Variants in DIAPH1 observed in about 807,000 individuals in gnomAD.
The protein encoded by DIAPH1 is protein diaphanous homolog 1.
Under a neutral mutation model 140.7 loss-of-function variants are expected in DIAPH1, and 46 were observed. The observed-to-expected ratio is 0.33, with a 90% CI of 0.26 to 0.42. The LOEUF is 0.42. Ranked by LOEUF, DIAPH1 falls within the 10% of genes least tolerant of loss-of-function variation. The pLI is 1.00. For missense variants in DIAPH1, 1,310 were observed against 1,558.7 expected (o/e 0.84, Z 2.69); for synonymous variants, 565 against 551.6 (o/e 1.02, Z -0.34).
At position 141,580,868 on chromosome 5, in the gene DIAPH1, T is replaced by C. The variant is rs1252345137; in HGVS notation, c.700A>G (p.Met234Val). The C allele has an allele frequency of 1.2e-6, 2 of 1,614,210 alleles. No homozygotes were observed. Among genetic ancestry groups the C allele is most frequent in the South Asian group, 1.1e-5 (1 of 91,086 alleles). ...FMNNKFGIKT[M>V]LETEEGILLL... ...AGGATTCCTTCTTCTGTCTCCAACA[T>C]GGTCTTGATTCCAAACTGGTAGGAC... The change falls in exon 8 of 28, where the codon ATG becomes GTG. Residue 234 changes from methionine to valine, a missense_variant. By Grantham distance (21) the Met-to-Val change is conservative (BLOSUM62 1). Transcript: ENST00000389054.
intron 10 of DIAPH1, 67 bp downstream of exon 10, chr5:141,578,448 G>A (rs1412344699): frequency 2.4e-5 from 37 of 1,526,520 alleles, no homozygotes; most frequent in Admixed American, 8.3e-5. Flanking sequence ...AATTATCCCC[G>A]GGATTATTGG....
intron 18 of DIAPH1, among the ~76,000 whole-genome samples, chr5:141,566,004 G>C (rs1283811832): frequency 2.6e-5 from 4 of 152,136 alleles, no homozygotes; most frequent in Admixed American, 2.6e-4. Context: ...AAATGAGAGA[G>C]ATAATGGAAG....
chr5:141,618,753 G>A lies in DIAPH1; in HGVS notation c.117+45C>T, dbSNP rs1461859992. 11 of 1,399,516 alleles carry A rather than the reference G, an allele frequency of 7.9e-6. No homozygotes were observed. In the East Asian group the frequency reaches 1.0e-4, roughly 13 times the overall value. The allele number at this position is 1,399,516 out of a possible 1,614,324, so 86.7% of individuals were successfully genotyped here. On this transcript the variant is annotated intron_variant, in intron 1 of 27. Transcript: ENST00000389054. ...AGGGGCCGGCTGCAGGGGTCCAGAG[G>A]GCGGTTACGGGGCCAGGCAGGAGCG...
chr5:141,574,135 A>G lies in DIAPH1; in HGVS notation c.1715T>C (p.Val572Ala). 6.2e-7 allele frequency: 1 copy of G among 1,614,074 alleles called. No homozygotes were observed. Among genetic ancestry groups the G allele is most frequent in the South Asian group, 1.1e-5 (1 of 91,074 alleles). Residue 572 changes from valine to alanine, a missense_variant, in exon 16 of 28, where the codon GTA (valine) becomes GCA (alanine). Transcript: ENST00000389054. ...AGCACGACTAGGAACAGAAGGAGGT[A>G]CAGTAATAGCTGCCGCAGAGAGGGA... is the stretch of plus-strand genomic sequence containing the variant. ...MASLSAAAIT[V>A]PPSVPSRAPV...
intron 1 of DIAPH1, among the ~76,000 whole-genome samples, chr5:141,610,633 C>T (rs1320636145): frequency 6.6e-6 from 1 of 151,920 alleles, no homozygotes; most frequent in South Asian, 2.1e-4. Flanking sequence ...TGGGGTTTCA[C>T]CACATTGGAC....
At chr5:141,530,609 A>G (rs764377222) in intron 19 of DIAPH1, among the ~76,000 whole-genome samples, 1 of 152,072 alleles carries the variant, frequency 6.6e-6, no homozygotes, top group African/African-American at 2.4e-5. Context: ...GTCCTCCAAC[A>G]TATTCCCACT....
chr5:141,601,765 T>G (rs1269963779), intron 1 of DIAPH1, among the ~76,000 whole-genome samples: 1 of 152,242 alleles, frequency 6.6e-6, no homozygotes. Flanking sequence ...GTATATTTAT[T>G]CTTTCATTAC....
intron 17 of DIAPH1, 50 bp from the exon 18 acceptor site, chr5:141,571,486 A>C (rs2099895173): frequency 6.5e-7 from 1 of 1,550,224 alleles, no homozygotes; most frequent in Non-Finnish European, 8.9e-7. Flanking sequence ...ATTGGAAAGA[A>C]ATGGAAGGAA....
rs193193182 is a variant in DIAPH1, at chr5:141,603,842, G to A, written c.117+14956C>T. 7.6e-3 allele frequency among the ~76,000 whole-genome samples: 1,152 copies of A among 152,266 alleles called. 19 individuals are homozygous for A. Among genetic ancestry groups the A allele is most frequent in the African/African-American group, 0.026 (1,094 of 41,550 alleles). ...AGTTCAAGAAGGCAAGTACCTTGGG[G>A]AAAGGGAAAAAGTAACTTTTTGCCT... On this transcript the variant is annotated intron_variant, in intron 1 of 27. Transcript: ENST00000389054.
At chr5:141,581,001 C>A in intron 7 of DIAPH1, 118 bp from the exon 8 acceptor site, 2 of 1,162,126 alleles carry the variant, frequency 1.7e-6, no homozygotes, top group Non-Finnish European at 2.6e-6. Flanking sequence ...GTTGAAGTCC[C>A]AACCCCCAGT....
chr5:141,614,866 C>T (rs531750507), intron 1 of DIAPH1, among the ~76,000 whole-genome samples: 104 of 150,936 alleles, frequency 6.9e-4, no homozygotes, highest in African/African-American at 2.5e-3. Context: ...CAGTTTTCTG[C>T]AAACTTTTGC....
chr5:141,610,114 A>G (rs1459529892), intron 1 of DIAPH1, among the ~76,000 whole-genome samples: 1 of 152,160 alleles, frequency 6.6e-6, no homozygotes, highest in Non-Finnish European at 1.5e-5. Context: ...CCTGGGCAAC[A>G]TAGTGAGACC....
chr5:141,573,521 C>A lies in DIAPH1; in HGVS notation c.2329G>T (p.Val777Leu), dbSNP rs768267621. 1.2e-6 allele frequency: 2 copies of A among 1,613,274 alleles called. No individual in the cohort carries two copies. Among genetic ancestry groups the A allele is most frequent in the East Asian group, 2.2e-5 (1 of 44,846 alleles). ...LTPKKLYKPEVQLRRPNWSKL... is the reference protein window; with the variant it reads ...LTPKKLYKPELQLRRPNWSKL... ...GACCAGTTTGGCCTCCGGAGCTGCA[C>A]CTCTGGCTTATAAAGCTTTTTGGGG... is the stretch of plus-strand genomic sequence containing the variant. The change falls in exon 16 of 28, where the codon GTG (valine) becomes TTG (leucine). Residue 777 changes from valine (V) to leucine (L), a missense_variant. Coordinates refer to ENST00000389054, the MANE Select transcript of DIAPH1 (RefSeq NM_005219.5).
chr5:141,584,067 C>A (rs2154596612), intron 4 of DIAPH1, 57 bp downstream of exon 4: 6 of 1,081,902 alleles, frequency 5.5e-6, no homozygotes, highest in South Asian at 1.4e-5. Flanking sequence ...AAAAAAAAAA[C>A]AGGTCCAAGA....
chr5:141,537,143 G>A (rs961640266), intron 18 of DIAPH1, among the ~76,000 whole-genome samples: 2 of 152,008 alleles, frequency 1.3e-5, no homozygotes, highest in Non-Finnish European at 2.9e-5. Flanking sequence ...ACTCCAGCCT[G>A]GATGACAGAG....
At chr5:141,585,394 C>A (rs1451085291) in intron 3 of DIAPH1, among the ~76,000 whole-genome samples, 1 of 152,188 alleles carries the variant, frequency 6.6e-6, no homozygotes, top group Middle Eastern at 3.2e-3. Context: ...CATAAAGATA[C>A]AGATCTCTAG....
chr5:141,559,994 T>G (rs1364993546), intron 18 of DIAPH1, among the ~76,000 whole-genome samples: 1 of 152,168 alleles, frequency 6.6e-6, no homozygotes, highest in African/African-American at 2.4e-5. Flanking sequence ...ACACCCCACT[T>G]CTAAATCCCA....
At position 141,529,268 on chromosome 5, in the gene DIAPH1, G is replaced by A. The variant is rs2099887849; in HGVS notation, c.2682C>T (p.Leu894=). 3 of 1,613,686 alleles carry A rather than the reference G, an allele frequency of 1.9e-6. No homozygotes were observed. In the Admixed American group the frequency reaches 5.0e-5, roughly 27 times the overall value. ...AVLTESMIQN[L]IKQMPEPEQL... ...GCTCTGGCTCTGGCATTTGCTTAATGAGGTTCTGAAAGACAGAAGAGACAT... is the reference window on the plus strand; with the variant it reads ...GCTCTGGCTCTGGCATTTGCTTAATAAGGTTCTGAAAGACAGAAGAGACAT... Residue 894 remains leucine, a synonymous_variant, in exon 21 of 28, where the codon CTC becomes CTT. Coordinates refer to ENST00000389054, the MANE Select transcript of DIAPH1 (RefSeq NM_005219.5).
At chr5:141,555,372 G>A (rs1169859327) in intron 18 of DIAPH1, among the ~76,000 whole-genome samples, 1 of 152,118 alleles carries the variant, frequency 6.6e-6, no homozygotes, top group East Asian at 1.9e-4. Context: ...CTTTGACGGT[G>A]GGTTAGGAAG....
Sources: gnomAD v4.1 joint callset for allele counts (sites outside exome capture counted in the v4.1 genomes callset) on GRCh38, gnomAD v4.1.1 for gene constraint, MANE v1.5 for transcripts, NCBI Gene and HGNC (gene_info 2026-07-23, HGNC 2026-07-21) for gene names.